The following CLPSL1 variants were observed in gnomAD, a reference collection of about 807,000 sequenced individuals.
CLPSL1 encodes colipase-like protein 1.
Under a neutral mutation model 9.3 loss-of-function variants are expected in CLPSL1, and 13 were observed. The observed-to-expected ratio is 1.40, with a 90% CI of 0.91 to 2.22. CLPSL1 has a LOEUF of 2.22. Among genes scored for constraint, CLPSL1 ranks in the 30% most tolerant of loss-of-function variants. The pLI, the probability that CLPSL1 is intolerant of heterozygous loss-of-function variation, is 0.00. For synonymous variants in CLPSL1, 58 were observed against 56.9 expected, an observed-to-expected ratio of 1.02 and a Z score of -0.08; for missense variants, 164 against 146.6, an observed-to-expected ratio of 1.12 and a Z score of -0.61.
rs1308253267 is a variant in CLPSL1, at chr6:35,787,060, A to G, written c.162A>G (p.Pro54=). ...DCETGCCQRA[P]DNCESHCAEK... ...AGACTGGCTGCTGCCAACGTGCTCC[A>G]GACAATTGCGAGTCGCACTGCGCGG... Residue 54 remains proline (P), a synonymous_variant, in exon 2 of 3, where the codon CCA becomes CCG. Transcript: ENST00000373861. 3.1e-6 allele frequency: 5 copies of G among 1,605,570 alleles called. No individual in the cohort carries two copies. The highest frequency in any genetic ancestry group is 4.2e-6 in the Non-Finnish European group (5 of 1,177,540).
chr6:35,782,566 G>A (rs1767986011), intron 1 of CLPSL1, among the ~76,000 whole-genome samples: 1 of 152,234 alleles, frequency 6.6e-6, no homozygotes, highest in Non-Finnish European at 1.5e-5. Context: ...GAAGTCTTCA[G>A]CCTGAGGCAG....
chr6:35,782,665 G>A (rs1362205402), intron 1 of CLPSL1, among the ~76,000 whole-genome samples: 1 of 152,208 alleles, frequency 6.6e-6, no homozygotes, highest in East Asian at 1.9e-4. Context: ...CAGGCCAGGT[G>A]TGGATTCAGA....
At chr6:35,790,378 G>A (rs1005565518), downstream of CLPSL1, among the ~76,000 whole-genome samples, 8 of 152,280 alleles carry the variant, frequency 5.3e-5, no homozygotes, top group East Asian at 5.8e-4. Context: ...GGGAAGATAC[G>A]TTGCTGACAT....
chr6:35,792,445 G>A (rs551152344), downstream of CLPSL1, among the ~76,000 whole-genome samples: 1 of 152,374 alleles, frequency 6.6e-6, no homozygotes, highest in Non-Finnish European at 1.5e-5. Flanking sequence ...ATGTTCTACT[G>A]AATGCATATT....
chr6:35,786,021 T>C (rs1211123017), intron 1 of CLPSL1, among the ~76,000 whole-genome samples: 2 of 151,392 alleles, frequency 1.3e-5, no homozygotes, highest in Non-Finnish European at 2.9e-5. Context: ...TCCTAGCACT[T>C]TGGGAGGCCG....
At chr6:35,789,871 G>A (rs1171900045), downstream of CLPSL1, among the ~76,000 whole-genome samples, 4 of 152,070 alleles carry the variant, frequency 2.6e-5, no homozygotes, top group Admixed American at 2.0e-4. Context: ...TCCAGCCTGG[G>A]CAAGAGAGCA....
In CLPSL1 at chr6:35,781,087, A is replaced by G. The variant is rs749318118; in HGVS notation, c.-24A>G. Reference sequence around the variant, plus strand: ...TGCAGGATATTTCGCTGGACCCTAGAAAAGCCACCACGACCTGTGGGCCAT... The same window carrying G: ...TGCAGGATATTTCGCTGGACCCTAGGAAAGCCACCACGACCTGTGGGCCAT... On this transcript the variant is annotated 5_prime_UTR_variant, in exon 1 of 3. Transcript: ENST00000373861. The G allele has an allele frequency of 6.2e-7, 1 of 1,612,744 alleles. No individual in the cohort carries two copies.
At chr6:35,790,241 A>C (rs1424765802), downstream of CLPSL1, among the ~76,000 whole-genome samples, 1 of 152,258 alleles carries the variant, frequency 6.6e-6, no homozygotes, top group Non-Finnish European at 1.5e-5. Flanking sequence ...CTGAAATTTC[A>C]CTTTTTTCCA....
chr6:35,790,319 G>T (rs1170386409), downstream of CLPSL1, among the ~76,000 whole-genome samples: 1 of 152,202 alleles, frequency 6.6e-6, no homozygotes, highest in Admixed American at 6.5e-5. Flanking sequence ...TTTAATAAAC[G>T]TTTTTAGCCT....
At chr6:35,789,626 G>A (rs1329250470), downstream of CLPSL1, among the ~76,000 whole-genome samples, 1 of 152,244 alleles carries the variant, frequency 6.6e-6, no homozygotes, top group African/African-American at 2.4e-5. Context: ...GAGCACGGTG[G>A]CTCATGCCTG....
intron 1 of CLPSL1, among the ~76,000 whole-genome samples, chr6:35,783,010 T>G (rs963642941): frequency 2.6e-5 from 4 of 152,162 alleles, no homozygotes; most frequent in African/African-American, 9.7e-5. Flanking sequence ...GCTCAGATCT[T>G]GAGTTTACAT....
chr6:35,792,068 A>G (rs114182788), downstream of CLPSL1, among the ~76,000 whole-genome samples: 7,848 of 147,900 alleles, frequency 0.053, 234 homozygotes, highest in African/African-American at 0.16. Flanking sequence ...TCTGGGCAAC[A>G]GAGACAGACT....
chr6:35,788,805 C>T (rs1283748039), downstream of CLPSL1, among the ~76,000 whole-genome samples: 1 of 152,258 alleles, frequency 6.6e-6, no homozygotes, highest in Admixed American at 6.5e-5. Context: ...TAGGAAGTCT[C>T]AGTGTGTGGT....
rs1470276923 is a variant in CLPSL1, at chr6:35,787,946, G to C, written c.302G>C (p.Ser101Thr). 19 of 1,613,212 alleles carry C rather than the reference G, an allele frequency of 1.2e-5. No homozygotes were observed. Among genetic ancestry groups the C allele is most frequent in the Non-Finnish European group, 1.6e-5 (19 of 1,179,138 alleles). ...CIYSKNEKWL[S>T]IAYGRCQKIG... ...TATTCAAAGAATGAGAAATGGCTTAGCATCGCCTATGGCCGTTGTCAGAAA... is the reference window on the plus strand; with the variant it reads ...TATTCAAAGAATGAGAAATGGCTTACCATCGCCTATGGCCGTTGTCAGAAA... The change falls in exon 3 of 3, where the codon AGC becomes ACC. Residue 101 changes from serine to threonine, a missense_variant. Ser to Thr is a moderately conservative substitution (Grantham distance 58). Coordinates refer to ENST00000373861, the MANE Select transcript of CLPSL1 (RefSeq NM_001010886.5).
At chr6:35,787,453 C>T (rs544009854) in intron 2 of CLPSL1, among the ~76,000 whole-genome samples, 1 of 152,406 alleles carries the variant, frequency 6.6e-6, no homozygotes, top group Non-Finnish European at 1.5e-5. Context: ...TGCCCCAGAG[C>T]CCCGTCTTCA....
downstream of CLPSL1, among the ~76,000 whole-genome samples, chr6:35,792,041 G>A (rs1333729033): frequency 1.3e-5 from 2 of 152,128 alleles, no homozygotes; most frequent in East Asian, 1.9e-4. Flanking sequence ...AGCCGAGATC[G>A]CACTATTGCA....
chr6:35,786,760 C>T (rs1482911113), intron 1 of CLPSL1, among the ~76,000 whole-genome samples: 1 of 68,518 alleles, frequency 1.5e-5, no homozygotes, highest in East Asian at 3.2e-4. Flanking sequence ...TGAGAAGCAG[C>T]CTATGTTGAG....
chr6:35,789,488 G>A (rs781086985), downstream of CLPSL1, among the ~76,000 whole-genome samples: 4 of 152,270 alleles, frequency 2.6e-5, no homozygotes, highest in Non-Finnish European at 5.9e-5. Context: ...AAAACTCCTA[G>A]AAGAAAATAT....
In CLPSL1 at chr6:35,781,590, C is replaced by A. The variant is rs566963790; in HGVS notation, c.99+381C>A. ...AAAATCCTTGCCCTTGTAGAGCTGT[C>A]ACTCTAGTGTGTGAGGCAAAGAAGT... On this transcript the variant is annotated intron_variant, in intron 1 of 2. Transcript: ENST00000373861. Among the ~76,000 whole-genome samples, 71 of 152,138 alleles carry A rather than the reference C, an allele frequency of 4.7e-4. No homozygotes were observed. In the South Asian group the frequency reaches 0.014, roughly 29 times the overall value.
Sources: gnomAD v4.1 joint callset for allele counts (sites outside exome capture counted in the v4.1 genomes callset) on GRCh38, gnomAD v4.1.1 for gene constraint, MANE v1.5 for transcripts, NCBI Gene and HGNC (gene_info 2026-07-23, HGNC 2026-07-21) for gene names.